The following MFHAS1 variants were observed in gnomAD, a reference collection of about 807,000 sequenced individuals.
The protein encoded by MFHAS1 is multifunctional ROCO family signaling regulator 1.
A neutral mutation model predicts 70.4 loss-of-function variants in MFHAS1; 50 were observed. The observed-to-expected ratio is 0.71, with a 90% CI of 0.57 to 0.90. MFHAS1 has a LOEUF of 0.90. Among genes scored for constraint, MFHAS1 ranks in the 40% least tolerant of loss-of-function variants. MFHAS1 has a pLI of 0.00. For missense variants in MFHAS1, 1,795 were observed against 1,347.6 expected (o/e 1.33, Z -5.20); for synonymous variants, 952 against 620.0 (o/e 1.54, Z -7.96).
chr8:8,810,632 G>T (rs566737261), intron 1 of MFHAS1, among the ~76,000 whole-genome samples: 2 of 151,994 alleles, frequency 1.3e-5, no homozygotes, highest in African/African-American at 2.4e-5. Flanking sequence ...TTAGTTTATC[G>T]TAAGAGCACA....
intron 1 of MFHAS1, among the ~76,000 whole-genome samples, chr8:8,877,481 T>C (rs1441021005): frequency 6.6e-6 from 1 of 152,102 alleles, no homozygotes; most frequent in Non-Finnish European, 1.5e-5. Context: ...GCAGGGTCTA[T>C]TAGGGTAAGA....
chr8:8,886,651 C>G (rs1018610123), intron 1 of MFHAS1, among the ~76,000 whole-genome samples: 1 of 152,074 alleles, frequency 6.6e-6, no homozygotes, highest in Non-Finnish European at 1.5e-5. Flanking sequence ...TGTATAAAAT[C>G]AAGAGAGACA....
In MFHAS1 at chr8:8,890,936, T is replaced by C; in HGVS notation, c.2123A>G (p.His708Arg). The part of the protein sequence containing the change: ...DRLQSALSYL[H>R]ESGKLLYFED... Reference sequence around the variant, plus strand: ...AAAGTAGAGTAGCTTGCCGCTCTCATGCAGGTAGGAGAGGGCACTCTGCAG... The same window carrying C: ...AAAGTAGAGTAGCTTGCCGCTCTCACGCAGGTAGGAGAGGGCACTCTGCAG... The change falls in exon 1 of 3, where the codon CAT (histidine) becomes CGT (arginine). Residue 708 changes from histidine (H) to arginine (R), a missense_variant. Physicochemically the swap from His to Arg is conservative, Grantham distance 29 (BLOSUM62 0). Transcript: ENST00000276282. The C allele has an allele frequency of 6.2e-7, 1 of 1,614,096 alleles. No individual in the cohort carries two copies. The highest frequency in any genetic ancestry group is 8.5e-7 in the Non-Finnish European group (1 of 1,180,036).
At chr8:8,818,991 A>T (rs1244368072) in intron 1 of MFHAS1, among the ~76,000 whole-genome samples, 1 of 152,262 alleles carries the variant, frequency 6.6e-6, no homozygotes, top group Non-Finnish European at 1.5e-5. Flanking sequence ...GTCAAAGAAT[A>T]CAATCTCGAG....
In MFHAS1 at chr8:8,892,289, A is replaced by G. The variant is rs775899571; in HGVS notation, c.770T>C (p.Leu257Pro). Residue 257 changes from leucine to proline, a missense_variant, in exon 1 of 3, where the codon CTA (leucine) becomes CCA (proline). Coordinates refer to ENST00000276282, the MANE Select transcript of MFHAS1 (RefSeq NM_004225.3). This position sits in a 1 kb window ranked among gnomAD's most constrained non-coding sequence, Gnocchi z 4.7. ...CAGAGCCTGCAGCCCGTTGTTGTCT[A>G]GCATGAGGCTCTCCAAACTGGCCAG... ...CELASLESLM[L>P]DNNGLQALPA... The G allele has an allele frequency of 6.2e-7, 1 of 1,612,696 alleles. No homozygotes were observed. The highest frequency in any genetic ancestry group is 8.5e-7 in the Non-Finnish European group (1 of 1,180,022).
At position 8,784,489 on chromosome 8, in the gene MFHAS1, G is replaced by A. The variant is rs1805466396; in HGVS notation, c.*1533C>T. 1 of 152,184 alleles carries A rather than the reference G, an allele frequency of 6.6e-6. No individual in the cohort carries two copies. Among genetic ancestry groups the A allele is most frequent in the Non-Finnish European group, 1.5e-5 (1 of 68,036 alleles). The allele number at this position is 152,184 out of a possible 1,614,324, so 9.4% of individuals were successfully genotyped here. ...AATCATTCTCTGAACTGCAGGTTCT[G>A]GAGTCAGTGAAATTAATGCCTGGGG... On this transcript the variant is annotated 3_prime_UTR_variant, in exon 3 of 3. Transcript: ENST00000276282.
intron 1 of MFHAS1, among the ~76,000 whole-genome samples, chr8:8,878,100 G>A (rs764826694): frequency 3.3e-5 from 5 of 152,198 alleles, no homozygotes; most frequent in African/African-American, 1.2e-4. Flanking sequence ...CCCTGATGGC[G>A]CTCTCCCCAC....
chr8:8,880,665 G>A (rs1201716329), intron 1 of MFHAS1, among the ~76,000 whole-genome samples: 1 of 150,962 alleles, frequency 6.6e-6, no homozygotes, highest in African/African-American at 2.4e-5. Flanking sequence ...GTCTAGGGCA[G>A]GACATCCCTT....
At chr8:8,796,688 C>CAAAAAAA (rs55756300) in intron 2 of MFHAS1, among the ~76,000 whole-genome samples, 2 of 24,758 alleles carry the variant, frequency 8.1e-5, no homozygotes, top group South Asian at 2.4e-3. Context: ...CGTCTCAAAA[C>CAAAAAAA]AAAAAAAAAA....
intron 1 of MFHAS1, among the ~76,000 whole-genome samples, chr8:8,842,733 A>G (rs1807879040): frequency 6.6e-6 from 1 of 152,166 alleles, no homozygotes; most frequent in Non-Finnish European, 1.5e-5. Context: ...GTGATCGGAC[A>G]GCACGTTAAA....
intron 2 of MFHAS1, among the ~76,000 whole-genome samples, chr8:8,789,045 T>C (rs1409923961): frequency 6.6e-6 from 1 of 151,812 alleles, no homozygotes; most frequent in East Asian, 1.9e-4. Flanking sequence ...AAGACAATTA[T>C]TGTCGGTTTG....
intron 1 of MFHAS1, among the ~76,000 whole-genome samples, chr8:8,872,617 G>A (rs550874841): frequency 1.2e-4 from 19 of 152,184 alleles, no homozygotes; most frequent in Admixed American, 2.6e-4. Context: ...GCATAGGCTC[G>A]GATGCATGAA....
rs145133103 is a variant in MFHAS1 at position 8,806,487 on chromosome 8, T to C, written c.2999-8996A>G. 9.1e-3 allele frequency among the ~76,000 whole-genome samples: 1,386 copies of C among 152,326 alleles called. 22 individuals carry two copies. Among genetic ancestry groups the C allele is most frequent in the African/African-American group, 0.032 (1,328 of 41,570 alleles). ...TACTAAGAAGGGCTTTATTTTTGGT[T>C]CTAAAAGACAGAACAATAGCAAAGT... On this transcript the variant is annotated intron_variant, in intron 1 of 2. Coordinates refer to ENST00000276282, the MANE Select transcript of MFHAS1 (RefSeq NM_004225.3).
chr8:8,879,401 A>G (rs1809423183), intron 1 of MFHAS1, among the ~76,000 whole-genome samples: 1 of 152,128 alleles, frequency 6.6e-6, no homozygotes, highest in South Asian at 2.1e-4. Flanking sequence ...TTTTCCTTGG[A>G]AAGGCTGATT....
chr8:8,875,506 G>A (rs1478027688), intron 1 of MFHAS1, among the ~76,000 whole-genome samples: 2 of 152,156 alleles, frequency 1.3e-5, no homozygotes, highest in Non-Finnish European at 2.9e-5. Context: ...GCTTAAGGAG[G>A]AAACAAAGCT....
chr8:8,811,642 T>C (rs995187528), intron 1 of MFHAS1, among the ~76,000 whole-genome samples: 1 of 152,188 alleles, frequency 6.6e-6, no homozygotes, highest in African/African-American at 2.4e-5. Context: ...TGATGCTGCG[T>C]CTCCTCTGCA....
intron 2 of MFHAS1, chr8:8,790,422 A>C (rs1805682587): frequency 1.0e-6 from 1 of 976,982 alleles, no homozygotes; most frequent in African/African-American, 1.7e-5. Flanking sequence ...TTTCCAAGAA[A>C]GTATGAAGAT....
intron 1 of MFHAS1, among the ~76,000 whole-genome samples, chr8:8,870,271 T>C (rs1317537656): frequency 7.3e-6 from 1 of 136,714 alleles, no homozygotes; most frequent in East Asian, 2.0e-4. Context: ...CTAGGCAACA[T>C]AGTGAGACCC....
In MFHAS1 at chr8:8,800,797, T is replaced by G. The variant is rs536700263; in HGVS notation, c.2999-3306A>C. ...CACCTGCTTTTATCTGCCTGGACAC[T>G]CAGAATAACAACAGCAGATGCCAAG... On this transcript the variant is annotated intron_variant, in intron 1 of 2. Coordinates refer to ENST00000276282, the MANE Select transcript of MFHAS1 (RefSeq NM_004225.3). 5.9e-5 allele frequency among the ~76,000 whole-genome samples: 9 copies of G among 152,194 alleles called. No individual in the cohort carries two copies. In the South Asian group the frequency reaches 1.9e-3, roughly 32 times the overall value.
Sources: gnomAD v4.1 joint callset for allele counts (sites outside exome capture counted in the v4.1 genomes callset) on GRCh38, gnomAD v4.1.1 for gene constraint, Gnocchi (gnomAD v3.1) non-coding constraint, MANE v1.5 for transcripts, NCBI Gene and HGNC (gene_info 2026-07-23, HGNC 2026-07-21) for gene names.